SLC35F1: variants seen among roughly 807,000 people sequenced by gnomAD.
The protein encoded by SLC35F1 is solute carrier family 35 member F1.
In SLC35F1, 14 loss-of-function variants were observed where a neutral mutation model predicts 48.7. That is an observed-to-expected ratio of 0.29 (90% CI 0.19 to 0.45). The LOEUF is 0.45. Ranked by LOEUF, SLC35F1 falls within the 20% of genes least tolerant of loss-of-function variation. SLC35F1 has a pLI of 1.00. For missense variants in SLC35F1, 404 were observed against 500.0 expected (o/e 0.81, Z 1.83); for synonymous variants, 190 against 202.2 (o/e 0.94, Z 0.51).
At chr6:118,030,257 G>A (rs531217360) in intron 1 of SLC35F1, among the ~76,000 whole-genome samples, 1 of 152,320 alleles carries the variant, frequency 6.6e-6, no homozygotes, top group Non-Finnish European at 1.5e-5. Flanking sequence ...TTGTGTCTGA[G>A]TTTGTTTCTG....
At chr6:118,053,764 A>C (rs371346521) in intron 1 of SLC35F1, among the ~76,000 whole-genome samples, 128 of 152,248 alleles carry the variant, frequency 8.4e-4, no homozygotes, top group African/African-American at 3.0e-3. Context: ...TGCACTGTAA[A>C]TGTTTATTAT....
intron 6 of SLC35F1, among the ~76,000 whole-genome samples, chr6:118,280,923 A>T: frequency 6.6e-6 from 1 of 151,730 alleles, no homozygotes; most frequent in East Asian, 1.9e-4. Flanking sequence ...TCTGAGGCCT[A>T]GGGAGTTGAG....
intron 1 of SLC35F1, among the ~76,000 whole-genome samples, chr6:118,151,518 T>C (rs1264049262): frequency 1.3e-5 from 2 of 152,154 alleles, no homozygotes; most frequent in Non-Finnish European, 1.5e-5. Flanking sequence ...CTTAAAAACC[T>C]TTAATTTTTT....
At chr6:118,288,963 C>T (rs1235250611) in intron 7 of SLC35F1, among the ~76,000 whole-genome samples, 2 of 152,208 alleles carry the variant, frequency 1.3e-5, no homozygotes, top group African/African-American at 4.8e-5. Context: ...TTTCCATCAG[C>T]ACAGGGATTG....
At chr6:118,290,312 A>G (rs1776105186) in intron 7 of SLC35F1, among the ~76,000 whole-genome samples, 1 of 152,092 alleles carries the variant, frequency 6.6e-6, no homozygotes, top group South Asian at 2.1e-4. Context: ...CTACTGACCA[A>G]ACAAGAGCCC....
At chr6:118,077,802 G>T (rs534280362) in intron 1 of SLC35F1, among the ~76,000 whole-genome samples, 1 of 152,280 alleles carries the variant, frequency 6.6e-6, no homozygotes, top group East Asian at 1.9e-4. Flanking sequence ...TAGACAAAAA[G>T]AATTCCCAAA....
At chr6:118,217,450 A>G (rs1468553775) in intron 2 of SLC35F1, among the ~76,000 whole-genome samples, 1 of 152,198 alleles carries the variant, frequency 6.6e-6, no homozygotes, top group African/African-American at 2.4e-5. Context: ...GACAGGAAGT[A>G]GAACAATGGC....
At chr6:118,284,439 A>G (rs1223482457) in intron 6 of SLC35F1, among the ~76,000 whole-genome samples, 1 of 152,134 alleles carries the variant, frequency 6.6e-6, no homozygotes, top group Non-Finnish European at 1.5e-5. Context: ...AAAACAGAGT[A>G]CCCATGTCTA....
Position 118,057,283 on chromosome 6 carries a change from A to C in SLC35F1, c.174-97162A>C, listed in dbSNP as rs57064045. On this transcript the variant is annotated intron_variant, in intron 1 of 7. Coordinates refer to ENST00000360388, the MANE Select transcript of SLC35F1 (RefSeq NM_001029858.4). The stretch of plus-strand genomic sequence containing the variant: ...ACTTGCCATTCAAAGGCTTTGATAT[A>C]GGCTTTAATAGTGAAATTAGATGGA... Among the ~76,000 whole-genome samples, 611 of 152,302 alleles carry C rather than the reference A, an allele frequency of 4.0e-3. 6 individuals are homozygous for C. The highest frequency in any genetic ancestry group is 0.014 in the African/African-American group (572 of 41,548).
At chr6:118,037,875 G>T (rs142767582) in intron 1 of SLC35F1, among the ~76,000 whole-genome samples, 1 of 151,910 alleles carries the variant, frequency 6.6e-6, no homozygotes, top group Admixed American at 6.6e-5. Flanking sequence ...GTTGGGGGGT[G>T]GGGGGCAAGA....
chr6:117,953,995 A>C (rs1776396006), intron 1 of SLC35F1, among the ~76,000 whole-genome samples: 1 of 152,220 alleles, frequency 6.6e-6, no homozygotes, highest in Non-Finnish European at 1.5e-5. Flanking sequence ...GGATGAAGAG[A>C]ATCTTCAGCC....
intron 1 of SLC35F1, among the ~76,000 whole-genome samples, chr6:118,133,261 A>G (rs1330055788): frequency 6.6e-6 from 1 of 152,158 alleles, no homozygotes; most frequent in South Asian, 2.1e-4. Context: ...AACAGAGGGA[A>G]GAAAAGAATT....
At chr6:118,073,918 T>G (rs1037185562) in intron 1 of SLC35F1, among the ~76,000 whole-genome samples, 4 of 152,196 alleles carry the variant, frequency 2.6e-5, no homozygotes, top group Non-Finnish European at 5.9e-5. Context: ...CGTATCAAGA[T>G]TTAAGGAAAG....
chr6:117,919,218 C>T (rs1367038150), intron 1 of SLC35F1, among the ~76,000 whole-genome samples: 1 of 152,170 alleles, frequency 6.6e-6, no homozygotes, highest in Admixed American at 6.5e-5. Context: ...TTAGCAATCA[C>T]TTCAAGGTTT....
At chr6:118,280,396 C>T (rs935251527) in intron 6 of SLC35F1, among the ~76,000 whole-genome samples, 2 of 152,010 alleles carry the variant, frequency 1.3e-5, no homozygotes, top group African/African-American at 2.4e-5. Context: ...AAAAGTGTGC[C>T]GGGTCAGTGA....
At chr6:118,186,258 A>G (rs1212289771) in intron 2 of SLC35F1, among the ~76,000 whole-genome samples, 2 of 152,128 alleles carry the variant, frequency 1.3e-5, no homozygotes, top group East Asian at 3.9e-4. Context: ...GAGAGGAGTA[A>G]GAAGAGTTCT....
intron 1 of SLC35F1, among the ~76,000 whole-genome samples, chr6:117,921,174 G>T (rs1452903181): frequency 6.6e-6 from 1 of 152,008 alleles, no homozygotes; most frequent in Non-Finnish European, 1.5e-5. Flanking sequence ...TTTTTGGGAG[G>T]AGAGCTCAAG....
intron 2 of SLC35F1, among the ~76,000 whole-genome samples, chr6:118,232,477 G>A (rs939267532): frequency 6.6e-6 from 1 of 151,128 alleles, no homozygotes; most frequent in Admixed American, 6.6e-5. Flanking sequence ...GAACCCAGGA[G>A]GTGGAGGTTG....
intron 1 of SLC35F1, among the ~76,000 whole-genome samples, chr6:118,057,537 GA>G (rs60610908): frequency 0.25 from 37,651 of 151,650 alleles, 4,888 homozygotes; most frequent in East Asian, 0.35. Flanking sequence ...ATAGTAAGAA[GA>G]AAAAAAAATT....
Sources: gnomAD v4.1 joint callset for allele counts (sites outside exome capture counted in the v4.1 genomes callset) on GRCh38, gnomAD v4.1.1 for gene constraint, MANE v1.5 for transcripts, NCBI Gene and HGNC (gene_info 2026-07-23, HGNC 2026-07-21) for gene names.